DLGAP2: variants seen among roughly 807,000 people sequenced by gnomAD.
DLGAP2 encodes DLG associated protein 2.
In DLGAP2, 26 loss-of-function variants were observed where a neutral mutation model predicts 100.3. That is an observed-to-expected ratio of 0.26 (90% CI 0.19 to 0.36). The LOEUF (loss-of-function observed/expected upper bound fraction) is 0.36, where lower values mean the gene tolerates loss of function less well. DLGAP2 is among the 10% of genes least tolerant of loss of function. The pLI is 1.00. For missense variants in DLGAP2, 1,858 were observed against 1,453.2 expected, an observed-to-expected ratio of 1.28 and a Z score of -4.53; for synonymous variants, 886 against 630.1, an observed-to-expected ratio of 1.41 and a Z score of -6.08.
intron 2 of DLGAP2, among the ~76,000 whole-genome samples, chr8:923,502 A>T (rs549274102): frequency 1.1e-4 from 17 of 152,372 alleles, no homozygotes; most frequent in African/African-American, 4.1e-4. Flanking sequence ...CCCTGCATTC[A>T]GAATGAAAAA....
chr8:1,574,488 C>G (rs569498161), intron 6 of DLGAP2, among the ~76,000 whole-genome samples: 3 of 152,252 alleles, frequency 2.0e-5, no homozygotes, highest in Middle Eastern at 6.8e-3. Context: ...CATGCTGCCC[C>G]CTGCCCCCGG....
chr8:1,672,158 G>C (rs920619352), intron 10 of DLGAP2, among the ~76,000 whole-genome samples: 6 of 152,102 alleles, frequency 3.9e-5, no homozygotes, highest in African/African-American at 1.2e-4. Flanking sequence ...GGGTCCTTCT[G>C]TCCCTGGTGC....
intron 1 of DLGAP2, among the ~76,000 whole-genome samples, chr8:859,237 A>T (rs1797343562): frequency 6.6e-6 from 1 of 151,386 alleles, no homozygotes; most frequent in Admixed American, 6.6e-5. Flanking sequence ...TCAGCCTCCC[A>T]AGTAGCTGGG....
At chr8:909,201 A>G (rs973417695) in intron 2 of DLGAP2, among the ~76,000 whole-genome samples, 8 of 152,138 alleles carry the variant, frequency 5.3e-5, no homozygotes, top group African/African-American at 1.7e-4. Flanking sequence ...AGTGTGTCAG[A>G]TATTTTTGGG....
chr8:1,277,871 T>C (rs1298576370), intron 3 of DLGAP2, among the ~76,000 whole-genome samples: 2 of 152,232 alleles, frequency 1.3e-5, no homozygotes, highest in Admixed American at 1.3e-4. Context: ...GTTAGGCAGA[T>C]GTGTCATGTC....
chr8:1,256,601 G>T (rs1799226644), intron 2 of DLGAP2, among the ~76,000 whole-genome samples: 2 of 152,078 alleles, frequency 1.3e-5, no homozygotes, highest in Non-Finnish European at 2.9e-5. Flanking sequence ...CTGCCCGGGT[G>T]CTGTGTGTGC....
intron 2 of DLGAP2, among the ~76,000 whole-genome samples, chr8:971,651 C>G (rs1023372558): frequency 6.6e-6 from 1 of 152,184 alleles, no homozygotes; most frequent in East Asian, 1.9e-4. Flanking sequence ...AGGTGAAGAT[C>G]ATAGAAAAAT....
chr8:834,871 G>A (rs1465095948), intron 1 of DLGAP2, among the ~76,000 whole-genome samples: 2 of 152,116 alleles, frequency 1.3e-5, no homozygotes, highest in Non-Finnish European at 2.9e-5. Context: ...GGTTGAAATC[G>A]TTTAAAAATA....
At chr8:1,454,059 A>C in intron 3 of DLGAP2, among the ~76,000 whole-genome samples, 1 of 152,260 alleles carries the variant, frequency 6.6e-6, no homozygotes, top group East Asian at 1.9e-4. Flanking sequence ...GTTGAATGAC[A>C]GATCGCAAAG....
intron 2 of DLGAP2, among the ~76,000 whole-genome samples, chr8:1,230,820 C>G (rs1330912350): frequency 6.6e-6 from 1 of 152,188 alleles, no homozygotes; most frequent in South Asian, 2.1e-4. Flanking sequence ...AAGAATGAAA[C>G]TGGATTCCTG....
At chr8:1,523,522 A>G (rs749052791) in intron 4 of DLGAP2, among the ~76,000 whole-genome samples, 3 of 152,184 alleles carry the variant, frequency 2.0e-5, no homozygotes, top group African/African-American at 7.2e-5. Flanking sequence ...ACGGGGGGGA[A>G]GGACTCCCTG....
chr8:1,151,693 C>T (rs948152844), intron 2 of DLGAP2, among the ~76,000 whole-genome samples: 13 of 152,204 alleles, frequency 8.5e-5, no homozygotes, highest in African/African-American at 2.2e-4. Context: ...CAGCTCAAAG[C>T]GGTGCTTAGG....
chr8:1,601,841 G>A (rs1178549723), intron 6 of DLGAP2, among the ~76,000 whole-genome samples: 2 of 152,098 alleles, frequency 1.3e-5, no homozygotes, highest in South Asian at 2.1e-4. Flanking sequence ...ATTAGTCATT[G>A]AGATATCAGC....
chr8:1,698,938 ATAAGCCATGCATGGGACAGGTCCATG>A (rs1197530032), intron 14 of DLGAP2, among the ~76,000 whole-genome samples: 1 of 140,836 alleles, frequency 7.1e-6, no homozygotes, highest in Non-Finnish European at 1.6e-5. Flanking sequence ...GCAGGTCTGC[ATAAGCCATGCATGGGACAGGTCCATG>A]TAAGCCATGC....
At chr8:1,064,173 C>A (rs1343238977) in intron 2 of DLGAP2, among the ~76,000 whole-genome samples, 1 of 152,172 alleles carries the variant, frequency 6.6e-6, no homozygotes, top group Non-Finnish European at 1.5e-5. Context: ...AAGTTTAATT[C>A]TTGCTCCCAA....
intron 2 of DLGAP2, among the ~76,000 whole-genome samples, chr8:1,173,412 G>A (rs1489066750): frequency 6.6e-6 from 1 of 152,206 alleles, no homozygotes; most frequent in African/African-American, 2.4e-5. Flanking sequence ...TCTCTTCAAA[G>A]CTGTCAGACA....
At chr8:1,572,363 GGGT>G (rs1802756104) in intron 6 of DLGAP2, among the ~76,000 whole-genome samples, 3 of 98,836 alleles carry the variant, frequency 3.0e-5, no homozygotes, top group African/African-American at 3.2e-5. Context: ...AGAGGAGAGA[GGGT>G]GAACTGTGGG....
chr8:1,601,476 C>T (rs1037183798), intron 6 of DLGAP2, among the ~76,000 whole-genome samples: 6 of 152,206 alleles, frequency 3.9e-5, no homozygotes, highest in Admixed American at 2.0e-4. Flanking sequence ...CACCCACAGC[C>T]GCCCCTTCCC....
At chr8:1,245,638 A>G (rs557027982) in intron 2 of DLGAP2, among the ~76,000 whole-genome samples, 1 of 152,196 alleles carries the variant, frequency 6.6e-6, no homozygotes, top group Non-Finnish European at 1.5e-5. Flanking sequence ...GAGTGACGAA[A>G]TGTTATGTGA....
Sources: allele counts gnomAD v4.1 joint callset (sites outside exome capture counted in the v4.1 genomes callset), GRCh38; gene constraint gnomAD v4.1.1; transcripts MANE v1.5; gene names NCBI Gene and HGNC (gene_info 2026-07-23, HGNC 2026-07-21).